POU3F3: variants seen among roughly 807,000 people sequenced by gnomAD.
The protein encoded by POU3F3 is POU domain, class 3, transcription factor 3.
A neutral mutation model predicts 8.6 loss-of-function variants in POU3F3; 1 was observed. The ratio of observed to expected loss-of-function variants is 0.12; its 90% CI spans 0.04 to 0.55. The LOEUF (loss-of-function observed/expected upper bound fraction) is 0.55. Ranked by LOEUF, POU3F3 falls within the 20% of genes least tolerant of loss-of-function variation. The pLI is 0.91. For synonymous variants in POU3F3, 418 were observed against 327.4 expected, an observed-to-expected ratio of 1.28 and a Z score of -2.99; for missense variants, 577 against 690.7, an observed-to-expected ratio of 0.84 and a Z score of 1.84.
chr2:104,874,737 G>A, the POU3F3 span, among the ~76,000 whole-genome samples: 4 of 152,172 alleles, frequency 2.6e-5, no homozygotes, highest in Non-Finnish European at 2.9e-5. Flanking sequence ...GTGTTTATAC[G>A]CAGATTAGAA....
rs770227812 is a variant in POU3F3 at position 104,857,001 on chromosome 2, G to T, written c.1491G>T (p.Thr497=). 3.1e-6 allele frequency: 5 copies of T among 1,601,360 alleles called. No individual in the cohort carries two copies. The highest frequency in any genetic ancestry group is 4.3e-6 in the Non-Finnish European group (5 of 1,175,424). Residue 497 remains threonine (T), a synonymous_variant, in exon 1 of 1, where the codon ACG becomes ACT. Coordinates refer to ENST00000361360, the MANE Select transcript of POU3F3 (RefSeq NM_006236.3). Reference sequence around the variant, plus strand: ...CGCCGCCTCACCACGGGCTGCAGACGAGCGTTCAGTGAAGCCAGGGCGCAG... The same window carrying T: ...CGCCGCCTCACCACGGGCTGCAGACTAGCGTTCAGTGAAGCCAGGGCGCAG... ...DTPPPHHGLQ[T]SVQ
At position 104,855,321 on chromosome 2, in the gene POU3F3, GAGGCGGCGGCGGAGGAGGAGGCGGCGA is replaced by G. The variant is rs1323822424; in HGVS notation, c.-180_-154del. Among the ~76,000 whole-genome samples the G allele has an allele frequency of 6.9e-6, 1 of 145,392 alleles. No homozygotes were observed. Among genetic ancestry groups the G allele is most frequent in the East Asian group, 2.0e-4 (1 of 5,012 alleles). The stretch of plus-strand genomic sequence containing the variant: ...GGCGGCGGCGGCGGCGGCGGGGGCG[GAGGCGGCGGCGGAGGAGGAGGCGGCGA>G]AGGCGGCGGGGCCGGCGGGGGCCCG... On this transcript the variant is annotated 5_prime_UTR_variant, in exon 1 of 1. Coordinates refer to ENST00000361360, the MANE Select transcript of POU3F3 (RefSeq NM_006236.3).
downstream of POU3F3, among the ~76,000 whole-genome samples, chr2:104,861,359 A>T (rs573858611): frequency 3.2e-4 from 49 of 152,326 alleles, no homozygotes; most frequent in African/African-American, 8.9e-4. Context: ...GCAGACTTGA[A>T]ATTAATTATT....
At chr2:104,881,742 G>T in the POU3F3 span, among the ~76,000 whole-genome samples, 8 of 152,190 alleles carry the variant, frequency 5.3e-5, no homozygotes, top group Non-Finnish European at 8.8e-5. Flanking sequence ...TGTTGGGAGG[G>T]TTCCGATGGA....
the POU3F3 span, among the ~76,000 whole-genome samples, chr2:104,905,407 G>A: frequency 6.6e-6 from 1 of 152,158 alleles, no homozygotes; most frequent in African/African-American, 2.4e-5. Flanking sequence ...ACTGTCTGCT[G>A]AATGGTATGT....
the POU3F3 span, among the ~76,000 whole-genome samples, chr2:104,876,121 T>C: frequency 6.6e-6 from 1 of 152,210 alleles, no homozygotes; most frequent in African/African-American, 2.4e-5. Flanking sequence ...TTTAAGCCCC[T>C]GGTTCTAATC....
At chr2:104,864,972 G>C in the POU3F3 span, among the ~76,000 whole-genome samples, 1 of 152,190 alleles carries the variant, frequency 6.6e-6, no homozygotes, top group Non-Finnish European at 1.5e-5. Flanking sequence ...GAACAAAATT[G>C]CATTTTAAAT....
chr2:104,895,559 A>G, the POU3F3 span, among the ~76,000 whole-genome samples: 1 of 152,226 alleles, frequency 6.6e-6, no homozygotes, highest in African/African-American at 2.4e-5. Flanking sequence ...GAAGCCACAA[A>G]TGCAGTAATT....
the POU3F3 span, among the ~76,000 whole-genome samples, chr2:104,920,134 T>G: frequency 2.0e-5 from 3 of 152,150 alleles, no homozygotes; most frequent in Non-Finnish European, 2.9e-5. Flanking sequence ...CCCGCCTCAG[T>G]CACCCGAGCA....
At chr2:104,859,437 G>T (rs1382643485), downstream of POU3F3, among the ~76,000 whole-genome samples, 1 of 152,162 alleles carries the variant, frequency 6.6e-6, no homozygotes, top group Admixed American at 6.5e-5. Flanking sequence ...GCTTAGTTGA[G>T]TCCCTATATA....
the POU3F3 span, among the ~76,000 whole-genome samples, chr2:104,895,833 T>A: frequency 6.6e-6 from 1 of 152,196 alleles, no homozygotes; most frequent in Non-Finnish European, 1.5e-5. Context: ...TGTTTGCTGG[T>A]TCAGAAATGG....
chr2:104,871,637 A>G, the POU3F3 span, among the ~76,000 whole-genome samples: 2 of 152,302 alleles, frequency 1.3e-5, no homozygotes, highest in South Asian at 4.1e-4. Flanking sequence ...CTTTTGTTAT[A>G]TTTGCAGACA....
the POU3F3 span, among the ~76,000 whole-genome samples, chr2:104,923,445 T>G: frequency 6.6e-6 from 1 of 152,300 alleles, no homozygotes; most frequent in Non-Finnish European, 1.5e-5. Flanking sequence ...GAAATTAAGC[T>G]GCTATTAATT....
At chr2:104,889,135 T>C in the POU3F3 span, among the ~76,000 whole-genome samples, 1 of 152,212 alleles carries the variant, frequency 6.6e-6, no homozygotes, top group African/African-American at 2.4e-5. Flanking sequence ...TTTTCCGTGA[T>C]GCGATTTAAT....
chr2:104,902,741 AT>A, the POU3F3 span, among the ~76,000 whole-genome samples: 18 of 152,140 alleles, frequency 1.2e-4, no homozygotes, highest in Admixed American at 5.2e-4. Flanking sequence ...ATGTTTAATG[AT>A]TTTTTTCTTA....
At chr2:104,918,921 G>T in the POU3F3 span, among the ~76,000 whole-genome samples, 2 of 151,266 alleles carry the variant, frequency 1.3e-5, no homozygotes, top group African/African-American at 4.9e-5. Context: ...GCCCAGGCTG[G>T]AGTGCAATGG....
chr2:104,863,792 CT>C, the POU3F3 span, among the ~76,000 whole-genome samples: 1 of 152,354 alleles, frequency 6.6e-6, no homozygotes, highest in Admixed American at 6.5e-5. Flanking sequence ...AACCCATAAC[CT>C]TTCGCTCGGG....
In POU3F3 at chr2:104,857,706, C is replaced by T. The variant is rs1676600399; in HGVS notation, c.*693C>T. ...CTGTTTTTCTTGGCCATATTAAAGT[C>T]ATTTGGAAACAAATCAACTCTGAAA... is the stretch of plus-strand genomic sequence containing the variant. On this transcript the variant is annotated 3_prime_UTR_variant, in exon 1 of 1. Transcript: ENST00000361360. 1 of 153,204 alleles carries T rather than the reference C, an allele frequency of 6.5e-6. No individual in the cohort carries two copies. The highest frequency in any genetic ancestry group is 1.5e-5 in the Non-Finnish European group (1 of 68,018). 9.5% of individuals were successfully genotyped at this position (153,204 alleles called of 1,614,324 possible).
chr2:104,861,563 A>G (rs139243872), downstream of POU3F3, among the ~76,000 whole-genome samples: 529 of 152,364 alleles, frequency 3.5e-3, 1 homozygote, highest in Middle Eastern at 0.01. Flanking sequence ...GTTTGAGGTT[A>G]TCAGTGACCC....
Sources: gnomAD v4.1 joint callset for allele counts (sites outside exome capture counted in the v4.1 genomes callset) on GRCh38, gnomAD v4.1.1 for gene constraint, MANE v1.5 for transcripts, NCBI Gene and HGNC (gene_info 2026-07-23, HGNC 2026-07-21) for gene names.